The following CACNA1C variants were observed in gnomAD, a reference collection of about 807,000 sequenced individuals.
CACNA1C encodes the protein voltage-dependent L-type calcium channel subunit alpha-1C.
Under a neutral mutation model 229.0 loss-of-function variants are expected in CACNA1C, and 30 were observed. The observed-to-expected ratio is 0.13, with a 90% CI of 0.10 to 0.18. CACNA1C has a LOEUF of 0.18. Among genes scored for constraint, CACNA1C ranks in the 10% least tolerant of loss-of-function variants. The probability of loss-of-function intolerance (pLI) is 1.00; values close to 1 mark genes in which losing one functional copy is unlikely to be tolerated. For missense variants in CACNA1C, 1,658 were observed against 2,845.0 expected (o/e 0.58, Z 9.49); for synonymous variants, 1,114 against 1,132.5 (o/e 0.98, Z 0.33).
At chr12:2,098,402 TAGTG>T (rs923053037) in intron 1 of CACNA1C, among the ~76,000 whole-genome samples, 2 of 152,234 alleles carry the variant, frequency 1.3e-5, no homozygotes, top group African/African-American at 4.8e-5. Context: ...TGTCGTGCCT[TAGTG>T]AGAATTAGAG....
At chr12:2,223,825 T>C (rs2062115316) in intron 3 of CACNA1C, among the ~76,000 whole-genome samples, 1 of 152,192 alleles carries the variant, frequency 6.6e-6, no homozygotes, top group Non-Finnish European at 1.5e-5. Flanking sequence ...AACTTATATG[T>C]ATTATTATTT....
intron 3 of CACNA1C, among the ~76,000 whole-genome samples, chr12:2,281,850 CTAT>C (rs1199424259): frequency 6.6e-6 from 1 of 151,974 alleles, no homozygotes; most frequent in Non-Finnish European, 1.5e-5. Context: ...AAATTTCTGG[CTAT>C]TATTTATAAT....
Position 2,479,994 on chromosome 12 carries a change from T to C in CACNA1C, c.758-6110T>C, listed in dbSNP as rs897858150. 6.6e-6 allele frequency among the ~76,000 whole-genome samples: 1 copy of C among 152,198 alleles called. No homozygotes were observed. The highest frequency in any genetic ancestry group is 1.5e-5 in the Non-Finnish European group (1 of 68,026). On this transcript the variant is annotated intron_variant, in intron 5 of 46. Transcript: ENST00000399655. This position sits in a 1 kb window ranked among gnomAD's most constrained non-coding sequence, Gnocchi z 4.3. ...TAATGCTGTCCTTCCCCTGCCCCTC[T>C]GTGGCACCAGATGGGGATTATTTCC...
In CACNA1C at chr12:2,064,590, G is replaced by A. The variant is rs573410743; in HGVS notation, c.49+10979G>A. On this transcript the variant is annotated intron_variant, in intron 1 of 46. Coordinates refer to ENST00000399655, the MANE Select transcript of CACNA1C (RefSeq NM_000719.7). Reference sequence around the variant, plus strand: ...TGCTCCTCATACATCTAAAGTCTAGGCAAGAGAGGCAAAAACGTGAGAAGA... The same window carrying A: ...TGCTCCTCATACATCTAAAGTCTAGACAAGAGAGGCAAAAACGTGAGAAGA... Among the ~76,000 whole-genome samples the A allele has an allele frequency of 8.5e-5, 13 of 152,300 alleles. No individual in the cohort carries two copies. The East Asian group carries it at 2.5e-3, about 29-fold the overall frequency.
intron 9 of CACNA1C, among the ~76,000 whole-genome samples, chr12:2,517,720 A>G (rs1322022542): frequency 6.6e-6 from 1 of 152,210 alleles, no homozygotes; most frequent in Non-Finnish European, 1.5e-5. Flanking sequence ...TCATTAGTGC[A>G]GGGTTATTGT....
intron 1 of CACNA1C, among the ~76,000 whole-genome samples, chr12:2,080,984 T>C (rs1183101975): frequency 6.6e-6 from 1 of 152,232 alleles, no homozygotes; most frequent in Non-Finnish European, 1.5e-5. Context: ...CCAAGAATGT[T>C]TTGAAATTTA....
chr12:2,500,825 G>T (rs1458591228), intron 7 of CACNA1C, among the ~76,000 whole-genome samples: 1 of 152,198 alleles, frequency 6.6e-6, no homozygotes, highest in East Asian at 1.9e-4. Context: ...GAGGCTGTCT[G>T]CAGGATGCTG....
intron 22 of CACNA1C, among the ~76,000 whole-genome samples, chr12:2,604,406 TG>T (rs1490367195): frequency 3.9e-5 from 6 of 152,010 alleles, no homozygotes; most frequent in Non-Finnish European, 5.9e-5. Context: ...GTGCTCTGGG[TG>T]GGTTTTATGT....
chr12:2,525,125 CGGAGTG>C (rs1407641975), intron 9 of CACNA1C, among the ~76,000 whole-genome samples: 1 of 152,110 alleles, frequency 6.6e-6, no homozygotes, highest in Non-Finnish European at 1.5e-5. Flanking sequence ...CAAAGGGCCT[CGGAGTG>C]GGACTCTATC....
chr12:2,241,554 C>T (rs1410780145), intron 3 of CACNA1C, among the ~76,000 whole-genome samples: 2 of 152,162 alleles, frequency 1.3e-5, no homozygotes, highest in African/African-American at 4.8e-5. Context: ...GCTCAAGTTC[C>T]TCTGGGTCTT....
Position 2,074,147 on chromosome 12 carries a change from G to A in CACNA1C, c.49+20536G>A, listed in dbSNP as rs1050764718. ...GTGAAAAAAAAATCAGTTGAAGTATGTGTTAGGATAATGTAGATAATGTAG... is the reference window on the plus strand; with the variant it reads ...GTGAAAAAAAAATCAGTTGAAGTATATGTTAGGATAATGTAGATAATGTAG... On this transcript the variant is annotated intron_variant, in intron 1 of 46. Transcript: ENST00000399655. Among the ~76,000 whole-genome samples, 17 of 61,740 alleles carry A rather than the reference G, an allele frequency of 2.8e-4. 1 individual carries two copies. The highest frequency in any genetic ancestry group is 0.011 in the Middle Eastern group (1 of 92). The allele number at this position is 61,740 out of a possible 152,430, so 40.5% of individuals were successfully genotyped here.
chr12:2,435,746 C>T (rs535625446), intron 3 of CACNA1C, among the ~76,000 whole-genome samples: 1 of 152,342 alleles, frequency 6.6e-6, no homozygotes, highest in South Asian at 2.1e-4. Context: ...ACTCTGTGAG[C>T]CTCTAGTGCC....
intron 1 of CACNA1C, among the ~76,000 whole-genome samples, chr12:2,074,124 GA>G (rs938966282): frequency 1.4e-5 from 2 of 145,282 alleles, no homozygotes; most frequent in Non-Finnish European, 3.0e-5. Context: ...CCAATTCAGT[GA>G]AAAAAAAATC....
rs1280451272 is a variant in CACNA1C, at chr12:2,354,186, C to T, written c.478-94790C>T. Reference sequence around the variant, plus strand: ...CAGAACCCCTTAACCCAGTGGAAGCCCCGCCTTTCATGTGGGCCCCGCACA... The same window carrying T: ...CAGAACCCCTTAACCCAGTGGAAGCTCCGCCTTTCATGTGGGCCCCGCACA... On this transcript the variant is annotated intron_variant, in intron 3 of 46. Transcript: ENST00000399655. The surrounding 1 kb of genome is among the most constrained non-coding windows in gnomAD (Gnocchi z 4.6). Among the ~76,000 whole-genome samples the T allele has an allele frequency of 6.6e-6, 1 of 152,130 alleles. No individual in the cohort carries two copies. The highest frequency in any genetic ancestry group is 2.4e-5 in the African/African-American group (1 of 41,438).
intron 3 of CACNA1C, among the ~76,000 whole-genome samples, chr12:2,124,235 T>C (rs1414176019): frequency 6.6e-6 from 1 of 151,908 alleles, no homozygotes; most frequent in Non-Finnish European, 1.5e-5. Flanking sequence ...TTTCAAATAG[T>C]GAAAGGTCTT....
At position 2,475,964 on chromosome 12, in the gene CACNA1C, C is replaced by T. The variant is rs985750060; in HGVS notation, c.758-10140C>T. On this transcript the variant is annotated intron_variant, in intron 5 of 46. Transcript: ENST00000399655. The stretch of plus-strand genomic sequence containing the variant: ...ATAAATCATACATTGTAACATCCCC[C>T]TTTCTTGCATCTTTTGTATGTATAT... Among the ~76,000 whole-genome samples, 6 of 152,166 alleles carry T rather than the reference C, an allele frequency of 3.9e-5. No homozygotes were observed. The East Asian group carries it at 1.2e-3, about 29-fold the overall frequency.
intron 7 of CACNA1C, among the ~76,000 whole-genome samples, chr12:2,500,053 G>A (rs1196686248): frequency 6.6e-6 from 1 of 152,168 alleles, no homozygotes; most frequent in Non-Finnish European, 1.5e-5. Flanking sequence ...TTCTGTGGCA[G>A]CCGAGCATTG....
rs2086135392 is a variant in CACNA1C at position 2,120,570 on chromosome 12, T to C, written c.477+140T>C. On this transcript the variant is annotated intron_variant, in intron 3 of 46. Coordinates refer to ENST00000399655, the MANE Select transcript of CACNA1C (RefSeq NM_000719.7). ...AGCCCTGCAGAGCTCACATCCCGAG[T>C]GCTGTTTTACTCTTTATTCAAATCA... 5.8e-6 allele frequency: 4 copies of C among 686,414 alleles called. No individual in the cohort carries two copies. In the East Asian group the frequency reaches 1.0e-4, roughly 17 times the overall value. The allele number at this position is 686,414 out of a possible 1,614,324, so 42.5% of individuals were successfully genotyped here. A position where few individuals can be genotyped will look rare whatever the true frequency, so the allele number is the denominator to read the frequency against.
intron 3 of CACNA1C, among the ~76,000 whole-genome samples, chr12:2,209,456 C>T (rs1042660469): frequency 2.0e-5 from 3 of 152,134 alleles, no homozygotes; most frequent in East Asian, 1.9e-4. Flanking sequence ...TGAAAGGGAG[C>T]GAGGGAGTGG....
Sources: gnomAD v4.1 joint callset for allele counts (sites outside exome capture counted in the v4.1 genomes callset) on GRCh38, gnomAD v4.1.1 for gene constraint, Gnocchi (gnomAD v3.1) non-coding constraint, MANE v1.5 for transcripts, NCBI Gene and HGNC (gene_info 2026-07-23, HGNC 2026-07-21) for gene names.